The following PPP1R16B variants were observed in gnomAD, a reference collection of about 807,000 sequenced individuals.
PPP1R16B encodes the protein protein phosphatase 1 regulatory inhibitor subunit 16B.
PPP1R16B carries 14 observed loss-of-function variants against 61.7 expected under a neutral mutation model. The ratio of observed to expected loss-of-function variants is 0.23; its 90% CI spans 0.15 to 0.35. PPP1R16B has a LOEUF of 0.35. Ranked by LOEUF, PPP1R16B falls within the 10% of genes least tolerant of loss-of-function variation. PPP1R16B has a pLI of 1.00. For synonymous variants in PPP1R16B, 266 were observed against 305.3 expected, an observed-to-expected ratio of 0.87 and a Z score of 1.34; for missense variants, 547 against 752.5, an observed-to-expected ratio of 0.73 and a Z score of 3.19.
chr20:38,918,021 A>G lies in PPP1R16B; in HGVS notation c.1195-136A>G. The G allele has an allele frequency of 8.1e-7, 1 of 1,235,520 alleles. No individual in the cohort carries two copies. Among genetic ancestry groups the G allele is most frequent in the Non-Finnish European group, 1.1e-6 (1 of 888,966 alleles). The allele number at this position is 1,235,520 out of a possible 1,614,324, so 76.5% of individuals were successfully genotyped here. A position where few individuals can be genotyped will look rare whatever the true frequency, so the allele number is the denominator to read the frequency against. ...ATAGATTGGGGGTTCCCCAAAGGAA[A>G]ACCCTGGCCCCGATACCCAGGGAGA... On this transcript the variant is annotated intron_variant, in intron 10 of 10. Transcript: ENST00000299824. This position sits in a 1 kb window ranked among gnomAD's most constrained non-coding sequence, Gnocchi z 5.3.
intron 2 of PPP1R16B, among the ~76,000 whole-genome samples, chr20:38,848,880 G>A (rs147533913): frequency 0.02 from 3,010 of 152,268 alleles, 103 homozygotes; most frequent in African/African-American, 0.065. Flanking sequence ...ATACCTGGGG[G>A]ATGAAATAAT....
intron 10 of PPP1R16B, among the ~76,000 whole-genome samples, chr20:38,917,506 C>T (rs1287363024): frequency 6.6e-6 from 1 of 152,142 alleles, no homozygotes; most frequent in East Asian, 1.9e-4. Context: ...ACTTTTCAAA[C>T]TCTTGTTATC....
At chr20:38,858,955 A>G (rs2085027661) in intron 2 of PPP1R16B, among the ~76,000 whole-genome samples, 1 of 152,182 alleles carries the variant, frequency 6.6e-6, no homozygotes, top group Non-Finnish European at 1.5e-5. Flanking sequence ...CTCCCCATGT[A>G]GCCTCTCTAC....
intron 2 of PPP1R16B, among the ~76,000 whole-genome samples, chr20:38,863,985 A>G (rs981717422): frequency 2.6e-5 from 4 of 152,256 alleles, no homozygotes; most frequent in East Asian, 3.8e-4. Flanking sequence ...GTCTAGCCAT[A>G]CAATGGAATA....
At chr20:38,855,982 AAGGAG>A (rs2085006343) in intron 2 of PPP1R16B, among the ~76,000 whole-genome samples, 12 of 41,554 alleles carry the variant, frequency 2.9e-4, no homozygotes, top group African/African-American at 6.0e-4. Context: ...AGAGAGAGAG[AAGGAG>A]GAGGAGAGAG....
At chr20:38,916,300 A>G (rs2085539429) in intron 10 of PPP1R16B, among the ~76,000 whole-genome samples, 1 of 147,802 alleles carries the variant, frequency 6.8e-6, no homozygotes, top group African/African-American at 2.5e-5. Flanking sequence ...TATAACATAT[A>G]TATGTTATAT....
intron 6 of PPP1R16B, 135 bp from the exon 7 acceptor site, chr20:38,905,834 T>C: frequency 3.5e-6 from 3 of 868,078 alleles, no homozygotes; most frequent in Non-Finnish European, 5.1e-6. Flanking sequence ...GCAATGTGAC[T>C]GGTATTTCCA....
At chr20:38,865,035 G>A (rs962314265) in intron 2 of PPP1R16B, among the ~76,000 whole-genome samples, 4 of 152,122 alleles carry the variant, frequency 2.6e-5, no homozygotes, top group African/African-American at 9.7e-5. Context: ...CTGTCTCTTG[G>A]GCTCTGTCCC....
intron 2 of PPP1R16B, among the ~76,000 whole-genome samples, chr20:38,870,077 A>C (rs1178446152): frequency 6.6e-6 from 1 of 151,912 alleles, no homozygotes; most frequent in Non-Finnish European, 1.5e-5. Flanking sequence ...GTGCCCACCA[A>C]CATGCCTGAC....
Position 38,908,120 on chromosome 20 carries a change from C to T in PPP1R16B, c.1121C>T (p.Ala374Val). The stretch of plus-strand genomic sequence containing the variant: ...GCCATCCTGTGGCAGCGGAGTGCAG[C>T]TGAGGATCAGCGGACCTCCACCTAC... ...GEAILWQRSAAEDQRTSTYNG... is the reference protein window; with the variant it reads ...GEAILWQRSAVEDQRTSTYNG... The change falls in exon 10 of 11, where the codon GCT (alanine) becomes GTT (valine). Residue 374 changes from alanine to valine, a missense_variant. Transcript: ENST00000299824. 6.2e-7 allele frequency: 1 copy of T among 1,614,238 alleles called. No homozygotes were observed. Among genetic ancestry groups the T allele is most frequent in the Non-Finnish European group, 8.5e-7 (1 of 1,180,042 alleles).
chr20:38,832,606 G>A (rs748213984), intron 1 of PPP1R16B, among the ~76,000 whole-genome samples: 1 of 152,170 alleles, frequency 6.6e-6, no homozygotes, highest in South Asian at 2.1e-4. Context: ...CTGGAGAACA[G>A]TTGGGCAGTT....
At chr20:38,879,052 A>T (rs1366990965) in intron 2 of PPP1R16B, among the ~76,000 whole-genome samples, 1 of 152,172 alleles carries the variant, frequency 6.6e-6, no homozygotes, top group African/African-American at 2.4e-5. Context: ...AGCGGAAGGG[A>T]GATCAGGTCC....
Position 38,806,414 on chromosome 20 carries a change from T to A in PPP1R16B, c.-102+622T>A, listed in dbSNP as rs1168894845. ...CCGGGGAGACCCCGCGAGTGGTAGT[T>A]CCCCGGGAGGGGCGCGCCCGGCCTC... On this transcript the variant is annotated intron_variant, in intron 1 of 10. Coordinates refer to ENST00000299824, the MANE Select transcript of PPP1R16B (RefSeq NM_015568.4). This position sits in a 1 kb window ranked among gnomAD's most constrained non-coding sequence, Gnocchi z 4.5. Among the ~76,000 whole-genome samples, 1 of 151,720 alleles carries A rather than the reference T, an allele frequency of 6.6e-6. No homozygotes were observed. The highest frequency in any genetic ancestry group is 1.5e-5 in the Non-Finnish European group (1 of 67,860).
intron 2 of PPP1R16B, among the ~76,000 whole-genome samples, chr20:38,862,321 A>G (rs368336426): frequency 1.3e-5 from 2 of 152,230 alleles, no homozygotes; most frequent in South Asian, 4.1e-4. Context: ...GATATAAGGC[A>G]GAAACTATAA....
intron 1 of PPP1R16B, among the ~76,000 whole-genome samples, chr20:38,818,038 C>T (rs1037216568): frequency 2.5e-4 from 38 of 152,166 alleles, no homozygotes; most frequent in African/African-American, 8.9e-4. Context: ...AGCGAGACTC[C>T]GTCTCAAAAA....
chr20:38,884,438 G>C (rs1053512341), intron 2 of PPP1R16B, among the ~76,000 whole-genome samples: 1 of 152,322 alleles, frequency 6.6e-6, no homozygotes, highest in East Asian at 1.9e-4. Flanking sequence ...CGTAGGCCAC[G>C]TGAGCCATAC....
intron 4 of PPP1R16B, among the ~76,000 whole-genome samples, chr20:38,900,057 G>A (rs6028189): frequency 0.24 from 36,641 of 152,040 alleles, 4,907 homozygotes; most frequent in African/African-American, 0.35. Context: ...CCCTCCCAAA[G>A]TGCTGGGATT....
At chr20:38,897,023 G>A (rs2085355012) in intron 4 of PPP1R16B, among the ~76,000 whole-genome samples, 1 of 152,230 alleles carries the variant, frequency 6.6e-6, no homozygotes, top group South Asian at 2.1e-4. Flanking sequence ...GTGCATGCCT[G>A]TAATCCCAGC....
chr20:38,823,502 A>C (rs546164159), intron 1 of PPP1R16B, among the ~76,000 whole-genome samples: 1 of 152,272 alleles, frequency 6.6e-6, no homozygotes, highest in Admixed American at 6.5e-5. Context: ...TTAGCTGGGC[A>C]GAGTGGCACT....
Sources: allele counts gnomAD v4.1 joint callset (sites outside exome capture counted in the v4.1 genomes callset), GRCh38; gene constraint gnomAD v4.1.1; non-coding constraint Gnocchi (gnomAD v3.1); transcripts MANE v1.5; gene names NCBI Gene and HGNC (gene_info 2026-07-23, HGNC 2026-07-21).